The following TP63 variants were observed in gnomAD, a reference collection of about 807,000 sequenced individuals.
TP63 encodes tumor protein 63.
Under a neutral mutation model 82.8 loss-of-function variants are expected in TP63, and 17 were observed. The ratio of observed to expected loss-of-function variants is 0.21; its 90% confidence interval spans 0.14 to 0.31. The LOEUF is 0.31. Ranked by LOEUF, TP63 falls within the 10% of genes least tolerant of loss-of-function variation. The pLI, the probability that TP63 is intolerant of heterozygous loss-of-function variation, is 1.00. For synonymous variants in TP63, 330 were observed against 321.7 expected, an observed-to-expected ratio of 1.03 and a Z score of -0.28; for missense variants, 648 against 895.3, an observed-to-expected ratio of 0.72 and a Z score of 3.52.
chr3:189,775,921 A>G (rs886211108), intron 3 of TP63, among the ~76,000 whole-genome samples: 2 of 152,204 alleles, frequency 1.3e-5, no homozygotes, highest in Non-Finnish European at 2.9e-5. Context: ...GTTAAATGTA[A>G]TGAGTAATGT....
intron 3 of TP63, among the ~76,000 whole-genome samples, chr3:189,740,152 AAT>A (rs1720880714): frequency 6.6e-6 from 1 of 152,208 alleles, no homozygotes; most frequent in South Asian, 2.1e-4. Context: ...TTTTCATTCC[AAT>A]ACAGATATAG....
intron 1 of TP63, among the ~76,000 whole-genome samples, chr3:189,716,226 T>C (rs916684498): frequency 7.2e-5 from 11 of 152,220 alleles, no homozygotes; most frequent in Non-Finnish European, 4.4e-5. Context: ...TGTAATTGTA[T>C]TAGATACCTC....
intron 3 of TP63, among the ~76,000 whole-genome samples, chr3:189,777,409 C>T (rs1044001924): frequency 6.6e-6 from 1 of 152,092 alleles, no homozygotes; most frequent in East Asian, 1.9e-4. Context: ...GTTGGTCAGG[C>T]TGGTCTCAAA....
At position 189,663,217 on chromosome 3, in the gene TP63, G is replaced by A. The variant is rs192096064; in HGVS notation, c.62+31640G>A. 3.7e-4 allele frequency among the ~76,000 whole-genome samples: 57 copies of A among 152,074 alleles called. No individual in the cohort carries two copies. The East Asian group carries it at 8.5e-3, about 23-fold the overall frequency. The stretch of plus-strand genomic sequence containing the variant: ...TCAGTAAGTATCAAAATACTTTTAC[G>A]ACATTGAGTTCTGTACAATAGTGAT... On this transcript the variant is annotated intron_variant, in intron 1 of 13. Coordinates refer to ENST00000264731, the MANE Select transcript of TP63 (RefSeq NM_003722.5).
At chr3:189,759,821 C>T (rs938164588) in intron 3 of TP63, among the ~76,000 whole-genome samples, 40 of 152,244 alleles carry the variant, frequency 2.6e-4, no homozygotes, top group African/African-American at 9.1e-4. Context: ...TAAAGACATA[C>T]CCAAGACTGG....
intron 3 of TP63, among the ~76,000 whole-genome samples, chr3:189,805,235 A>G (rs971961975): frequency 6.6e-6 from 1 of 152,212 alleles, no homozygotes; most frequent in African/African-American, 2.4e-5. Context: ...TCAAGAAATT[A>G]TATAGCAGTA....
At chr3:189,646,338 A>G (rs978928634) in intron 1 of TP63, among the ~76,000 whole-genome samples, 1 of 146,912 alleles carries the variant, frequency 6.8e-6, no homozygotes, top group African/African-American at 2.6e-5. Flanking sequence ...CGTTTTACAA[A>G]TGCATAGGAA....
At chr3:189,791,662 G>C (rs1417566756) in intron 3 of TP63, among the ~76,000 whole-genome samples, 1 of 152,052 alleles carries the variant, frequency 6.6e-6, no homozygotes, top group Non-Finnish European at 1.5e-5. Flanking sequence ...CTTTTTGCAT[G>C]TTGCCTGCAT....
At chr3:189,816,782 G>A (rs561432747) in intron 4 of TP63, among the ~76,000 whole-genome samples, 2 of 152,216 alleles carry the variant, frequency 1.3e-5, no homozygotes, top group East Asian at 3.9e-4. Context: ...GGCACACAGA[G>A]GCGTAAAGGT....
rs397991949 is a variant in TP63 at position 189,663,521 on chromosome 3, C to CTTTTTTTTTTT, written c.62+31958_62+31968dup. On this transcript the variant is annotated intron_variant, in intron 1 of 13. Coordinates refer to ENST00000264731, the MANE Select transcript of TP63 (RefSeq NM_003722.5). The stretch of plus-strand genomic sequence containing the variant: ...ATTTAAGTGGCTTATTTCATTCATT[C>CTTTTTTTTTTT]TTTTTTTTTTTTTTTTTTTTTTTTG... Among the ~76,000 whole-genome samples the CTTTTTTTTTTT allele has an allele frequency of 7.7e-4, 65 of 84,550 alleles. 1 individual carries two copies. Among genetic ancestry groups the CTTTTTTTTTTT allele is most frequent in the Non-Finnish European group, 1.1e-3 (51 of 48,444 alleles). The allele number at this position is 84,550 out of a possible 152,430, so 55.5% of individuals were successfully genotyped here.
intron 3 of TP63, among the ~76,000 whole-genome samples, chr3:189,793,219 C>T (rs1725338911): frequency 6.6e-6 from 1 of 151,806 alleles, no homozygotes; most frequent in East Asian, 1.9e-4. Flanking sequence ...TTCACTACTA[C>T]TGGAAAAAAA....
Position 189,864,178 on chromosome 3 carries a change from A to G in TP63, c.580-54A>G, listed in dbSNP as rs886458670. ...CATTGTTCTGATTTGGAATGTAACA[A>G]TATCTCCTGTTGGTTCTCTCCTTCC... On this transcript the variant is annotated intron_variant, in intron 4 of 13. Transcript: ENST00000264731. 6.2e-6 allele frequency: 10 copies of G among 1,608,938 alleles called. No individual in the cohort carries two copies. The African/African-American group carries it at 8.0e-5, about 13-fold the overall frequency.
chr3:189,888,887 A>G (rs1241857486), intron 11 of TP63, among the ~76,000 whole-genome samples: 2 of 152,182 alleles, frequency 1.3e-5, no homozygotes, highest in South Asian at 2.1e-4. Context: ...AGATTTGTGC[A>G]TTTATCCACT....
chr3:189,673,409 A>C (rs1477901671), intron 1 of TP63, among the ~76,000 whole-genome samples: 1 of 152,178 alleles, frequency 6.6e-6, no homozygotes, highest in African/African-American at 2.4e-5. Flanking sequence ...AAACCTAAAT[A>C]AATAAACATG....
intron 4 of TP63, among the ~76,000 whole-genome samples, chr3:189,817,053 GCCTGA>G (rs1329683047): frequency 2.0e-5 from 3 of 151,784 alleles, no homozygotes; most frequent in African/African-American, 4.8e-5. Context: ...TATCAGAAAG[GCCTGA>G]AAACAGAGCA....
chr3:189,735,900 C>T (rs1206934954), intron 1 of TP63, among the ~76,000 whole-genome samples: 1 of 151,994 alleles, frequency 6.6e-6, no homozygotes, highest in Non-Finnish European at 1.5e-5. Context: ...ATTTATGGGT[C>T]AGGTCACTGG....
intron 3 of TP63, among the ~76,000 whole-genome samples, chr3:189,792,106 G>A (rs1725200258): frequency 6.6e-6 from 1 of 151,954 alleles, no homozygotes; most frequent in African/African-American, 2.4e-5. Flanking sequence ...AACTATATAA[G>A]AACACTGTTC....
chr3:189,702,651 CAGA>C (rs1033873638), intron 1 of TP63, among the ~76,000 whole-genome samples: 7 of 152,188 alleles, frequency 4.6e-5, no homozygotes, highest in Non-Finnish European at 1.0e-4. Flanking sequence ...TTGAGCATCG[CAGA>C]AGGTTACCAT....
the TP63 span, among the ~76,000 whole-genome samples, chr3:189,606,532 G>A: frequency 2.0e-5 from 1 of 49,796 alleles, no homozygotes; most frequent in East Asian, 5.6e-4. Context: ...TTTTTTTTTT[G>A]AGACAGAGTC....
Sources: gnomAD v4.1 joint callset for allele counts (sites outside exome capture counted in the v4.1 genomes callset) on GRCh38, gnomAD v4.1.1 for gene constraint, MANE v1.5 for transcripts, NCBI Gene and HGNC (gene_info 2026-07-23, HGNC 2026-07-21) for gene names.